The following RBMS2 variants were observed in gnomAD, a reference collection of about 807,000 sequenced individuals.
RBMS2 encodes RNA binding motif single stranded interacting protein 2, also known as RNA-binding motif, single-stranded-interacting protein 2.
In RBMS2, 38 loss-of-function variants were observed where a neutral mutation model predicts 58.4. That is an observed-to-expected ratio of 0.65 (90% CI 0.50 to 0.85). RBMS2 has a LOEUF of 0.85. Among genes scored for constraint, RBMS2 ranks in the 40% least tolerant of loss-of-function variants. The pLI, the probability that RBMS2 is intolerant of heterozygous loss-of-function variation, is 0.00. For synonymous variants in RBMS2, 151 were observed against 180.7 expected (o/e 0.84, Z 1.32); for missense variants, 367 against 503.7 (o/e 0.73, Z 2.60).
rs71081373 is a variant in RBMS2, at chr12:56,530,350, C to CTT, written c.66+8288_66+8289dup. On this transcript the variant is annotated intron_variant, in intron 1 of 13. Coordinates refer to ENST00000262031, the MANE Select transcript of RBMS2 (RefSeq NM_002898.4). ...CTGTCAAGAGAGAATTTTCTTTTTC[C>CTT]TTTTTTTTTTTTTTTTTTTTTTTTT... Among the ~76,000 whole-genome samples the CTT allele has an allele frequency of 2.3e-3, 148 of 63,786 alleles. 5 individuals carry two copies. Among genetic ancestry groups the CTT allele is most frequent in the South Asian group, 7.8e-3 (12 of 1,546 alleles). 41.8% of individuals were successfully genotyped at this position (63,786 alleles called of 152,430 possible). A position where few individuals can be genotyped will look rare whatever the true frequency, so the allele number is the denominator to read the frequency against.
intron 2 of RBMS2, 99 bp downstream of exon 2, chr12:56,562,682 G>A (rs1460182239): frequency 3.0e-6 from 4 of 1,315,836 alleles, no homozygotes; most frequent in Admixed American, 1.9e-5. Context: ...TGAACTCCTG[G>A]GCTCAAGTGA....
intron 1 of RBMS2, among the ~76,000 whole-genome samples, chr12:56,546,010 C>T (rs892740541): frequency 6.0e-5 from 9 of 150,554 alleles, no homozygotes; most frequent in African/African-American, 2.2e-4. Flanking sequence ...AATCTTGGCT[C>T]ACTGCAATCT....
At chr12:56,525,492 G>A (rs1489776667) in intron 1 of RBMS2, among the ~76,000 whole-genome samples, 1 of 152,086 alleles carries the variant, frequency 6.6e-6, no homozygotes, top group Non-Finnish European at 1.5e-5. Flanking sequence ...AACGTGCTGG[G>A]ATTACAGGCG....
chr12:56,531,696 T>TG (rs1465498942), intron 1 of RBMS2, among the ~76,000 whole-genome samples: 3 of 150,806 alleles, frequency 2.0e-5, no homozygotes, highest in African/African-American at 7.3e-5. Flanking sequence ...GGCGTGGTGG[T>TG]GGGCACCTGT....
chr12:56,562,305 A>G, intron 1 of RBMS2, 112 bp from the exon 2 acceptor site: 2 of 1,043,676 alleles, frequency 1.9e-6, no homozygotes, highest in East Asian at 5.1e-5. Context: ...GTGAGTGCAC[A>G]TTTGTGATTA....
chr12:56,565,864 G>T (rs1881262024), intron 2 of RBMS2, among the ~76,000 whole-genome samples: 1 of 151,976 alleles, frequency 6.6e-6, no homozygotes, highest in South Asian at 2.1e-4. Context: ...TTCTCGGAGG[G>T]GCTCCTTCAA....
chr12:56,557,724 C>CT (rs1325886419), intron 1 of RBMS2, among the ~76,000 whole-genome samples: 1 of 150,268 alleles, frequency 6.7e-6, no homozygotes, highest in Admixed American at 6.6e-5. Context: ...CCAATAGCCT[C>CT]TTTTTTCTTT....
At chr12:56,544,447 T>C (rs1031403296) in intron 1 of RBMS2, among the ~76,000 whole-genome samples, 10 of 152,196 alleles carry the variant, frequency 6.6e-5, no homozygotes, top group Non-Finnish European at 2.9e-5. Context: ...ATATTTATCC[T>C]GTGACTGACT....
intron 13 of RBMS2, 35 bp from the exon 14 acceptor site, chr12:56,589,105 T>C (rs1311884163): frequency 6.3e-7 from 1 of 1,599,718 alleles, no homozygotes; most frequent in African/African-American, 1.3e-5. Flanking sequence ...TTCTCATGTT[T>C]GTCTTGTCTC....
At chr12:56,583,510 T>C (rs893207013) in intron 9 of RBMS2, among the ~76,000 whole-genome samples, 3 of 152,082 alleles carry the variant, frequency 2.0e-5, no homozygotes, top group Admixed American at 2.0e-4. Flanking sequence ...AGAAATTAGC[T>C]GGGCATGGTG....
intron 1 of RBMS2, among the ~76,000 whole-genome samples, chr12:56,550,432 A>C (rs1878042261): frequency 6.6e-6 from 1 of 152,136 alleles, no homozygotes; most frequent in Non-Finnish European, 1.5e-5. Context: ...CAGGAGGCTG[A>C]GGTGGGAGGA....
At position 56,594,101 on chromosome 12, in the gene RBMS2, T is replaced by TA. The variant is rs2136643633; in HGVS notation, c.*4969dup. ...ACCCTCCCTTAGTGCCTCCAGTGCC[T>TA]ACTCCTGTCACTCCAATGTCAACCC... is the stretch of plus-strand genomic sequence containing the variant. On this transcript the variant is annotated 3_prime_UTR_variant, in exon 14 of 14. Coordinates refer to ENST00000262031, the MANE Select transcript of RBMS2 (RefSeq NM_002898.4). 6.6e-6 allele frequency: 1 copy of TA among 152,376 alleles called. No homozygotes were observed. Among genetic ancestry groups the TA allele is most frequent in the East Asian group, 1.9e-4 (1 of 5,168 alleles). 9.4% of individuals were successfully genotyped at this position (152,376 alleles called of 1,614,324 possible).
chr12:56,550,602 G>A (rs1405988310), intron 1 of RBMS2, among the ~76,000 whole-genome samples: 2 of 151,946 alleles, frequency 1.3e-5, no homozygotes, highest in Non-Finnish European at 2.9e-5. Flanking sequence ...AGCACTTTGA[G>A]AGGCCGAGGT....
Position 56,569,015 on chromosome 12 carries a change from A to G in RBMS2, c.274A>G (p.Thr92Ala), listed in dbSNP as rs767415046. The change falls in exon 3 of 14, where the codon ACC becomes GCC. Residue 92 changes from threonine (T) to alanine (A), a missense_variant. Around this residue, in one of 3 missense-constraint regions of RBMS2, gnomAD observed 93 missense variants for 132.2 expected, o/e 0.70. Transcript: ENST00000262031. The stretch of plus-strand genomic sequence containing the variant: ...TTCCACTAAGGCCATACTGGACAAG[A>G]CCACAAACAAATGTAAAGGTGAGAG... ...IVSTKAILDKTTNKCKGYGFV... is the reference protein window; with the variant it reads ...IVSTKAILDKATNKCKGYGFV... The G allele has an allele frequency of 1.9e-6, 3 of 1,613,188 alleles. No homozygotes were observed. Among genetic ancestry groups the G allele is most frequent in the Admixed American group, 1.7e-5 (1 of 59,998 alleles).
chr12:56,521,129 A>C (rs1188126178), upstream of RBMS2, among the ~76,000 whole-genome samples: 3 of 152,140 alleles, frequency 2.0e-5, no homozygotes, highest in African/African-American at 7.2e-5. Context: ...TCCTTTGTAC[A>C]TTAAGATCAC....
intron 9 of RBMS2, among the ~76,000 whole-genome samples, chr12:56,585,075 G>A (rs529052048): frequency 5.7e-4 from 86 of 152,110 alleles, no homozygotes; most frequent in African/African-American, 1.5e-3. Context: ...CACCCACCTC[G>A]GCCTCCCAAA....
At chr12:56,524,835 T>C (rs887073549) in intron 1 of RBMS2, among the ~76,000 whole-genome samples, 3 of 152,012 alleles carry the variant, frequency 2.0e-5, no homozygotes, top group Non-Finnish European at 4.4e-5. Context: ...TTCTCCTGCC[T>C]CAGCTTTCTG....
chr12:56,538,362 T>C (rs1440993911), intron 1 of RBMS2, among the ~76,000 whole-genome samples: 1 of 151,324 alleles, frequency 6.6e-6, no homozygotes, highest in Non-Finnish European at 1.5e-5. Context: ...AGGGATTACA[T>C]TGAATCTGCA....
chr12:56,536,405 T>A (rs1274224706), intron 1 of RBMS2, among the ~76,000 whole-genome samples: 1 of 151,956 alleles, frequency 6.6e-6, no homozygotes, highest in Admixed American at 6.6e-5. Context: ...ATCACAAGCA[T>A]GAGCCACCAT....
Sources: gnomAD v4.1 joint callset for allele counts (sites outside exome capture counted in the v4.1 genomes callset) on GRCh38, gnomAD v4.1.1 for gene constraint, gnomAD v4.1.1 regional missense constraint, MANE v1.5 for transcripts, NCBI Gene and HGNC (gene_info 2026-07-23, HGNC 2026-07-21) for gene names.